Variants in ALMS1 observed in about 807,000 individuals in gnomAD.
ALMS1 encodes centrosome-associated protein ALMS1.
In ALMS1, 271 loss-of-function variants were observed where a neutral mutation model predicts 352.2. That is an observed-to-expected ratio of 0.77 (90% CI 0.70 to 0.85). The LOEUF (loss-of-function observed/expected upper bound fraction) is 0.85. Ranked by LOEUF, ALMS1 falls within the 40% of genes least tolerant of loss-of-function variation. The pLI is 0.00. For synonymous variants in ALMS1, 1,865 were observed against 1,761.2 expected (o/e 1.06, Z -1.48); for missense variants, 5,445 against 4,870.7 (o/e 1.12, Z -3.51).
rs138582599 is a variant in ALMS1, at chr2:73,441,735, T to G, written c.1433-6225T>G. 5.9e-3 allele frequency among the ~76,000 whole-genome samples: 895 copies of G among 152,218 alleles called. 11 individuals are homozygous for G. Among genetic ancestry groups the G allele is most frequent in the Middle Eastern group, 0.037 (11 of 294 alleles). ...AAGTCATTGCCATGTTGTTCTCCAG[T>G]CTGGAGGTCCTTAGCTAGTCTGCGT... On this transcript the variant is annotated intron_variant, in intron 7 of 22. Transcript: ENST00000613296.
chr2:73,570,575 T>C (rs1674906398), intron 15 of ALMS1, among the ~76,000 whole-genome samples: 1 of 152,084 alleles, frequency 6.6e-6, no homozygotes, highest in Admixed American at 6.5e-5. Flanking sequence ...AGTGGGCCAG[T>C]ACCTGGAGGA....
rs1484631015 is a variant in ALMS1, at chr2:73,419,194, G to T, written c.522G>T (p.Arg174Ser). The T allele has an allele frequency of 6.2e-7, 1 of 1,614,022 alleles. No homozygotes were observed. The highest frequency in any genetic ancestry group is 8.5e-7 in the Non-Finnish European group (1 of 1,179,928). The change falls in exon 3 of 23, where the codon AGG (arginine) becomes AGT (serine). Residue 174 changes from arginine (R) to serine (S), a missense_variant. By Grantham distance (110) the Arg-to-Ser change is moderately radical. Coordinates refer to ENST00000613296, the MANE Select transcript of ALMS1 (RefSeq NM_001378454.1). The part of the protein sequence containing the change: ...SSQTLDTSQT[R>S]FNVRTEDTEV... ...AAACCTTGGATACATCCCAGACTAG[G>T]TTTAATGTGAGAACGGAAGATACTG...
rs34604396 is a variant in ALMS1 at position 73,529,039 on chromosome 2, G to GTTTT, written c.9782-5766_9782-5763dup. ...AATTTCTTTGAGTTTCCTCAAAGCAGTTTTTTTTTTTTTTTTTTTTTTGAG... is the reference window on the plus strand; with the variant it reads ...AATTTCTTTGAGTTTCCTCAAAGCAGTTTTTTTTTTTTTTTTTTTTTTTTTTGAG... On this transcript the variant is annotated intron_variant, in intron 11 of 22. Transcript: ENST00000613296. Among the ~76,000 whole-genome samples, 59 of 99,506 alleles carry GTTTT rather than the reference G, an allele frequency of 5.9e-4. 3 individuals carry two copies. Among genetic ancestry groups the GTTTT allele is most frequent in the Non-Finnish European group, 8.5e-4 (42 of 49,606 alleles). 65.3% of individuals were successfully genotyped at this position (99,506 alleles called of 152,430 possible). A position where few individuals can be genotyped will look rare whatever the true frequency, so the allele number is the denominator to read the frequency against.
At chr2:73,396,965 G>A (rs1670777613) in intron 1 of ALMS1, among the ~76,000 whole-genome samples, 1 of 152,066 alleles carries the variant, frequency 6.6e-6, no homozygotes, top group Admixed American at 6.5e-5. Flanking sequence ...TGGTAAAATA[G>A]TTTGAGGGCA....
At chr2:73,609,119 G>A (rs891952854) in intron 22 of ALMS1, among the ~76,000 whole-genome samples, 5 of 152,186 alleles carry the variant, frequency 3.3e-5, no homozygotes, top group Non-Finnish European at 7.4e-5. Context: ...AACCAGACCG[G>A]CTCCTATGCC....
intron 5 of ALMS1, among the ~76,000 whole-genome samples, chr2:73,425,394 T>G (rs1671359734): frequency 6.6e-6 from 1 of 152,204 alleles, no homozygotes; most frequent in African/African-American, 2.4e-5. Flanking sequence ...TCCTGATAAT[T>G]CTGTAAAAGT....
chr2:73,424,988 C>G, intron 5 of ALMS1, 86 bp downstream of exon 5: 1 of 1,163,376 alleles, frequency 8.6e-7, no homozygotes, highest in East Asian at 2.5e-5. Context: ...TTAGTGTCCC[C>G]TTTTCCTATG....
In ALMS1 at chr2:73,453,392, A is replaced by G; in HGVS notation, c.6865A>G (p.Ile2289Val). 1 of 1,613,870 alleles carries G rather than the reference A, an allele frequency of 6.2e-7. No homozygotes were observed. Among genetic ancestry groups the G allele is most frequent in the Non-Finnish European group, 8.5e-7 (1 of 1,179,948 alleles). ...TGCTCCCCTTGCCCGTTTCAGAGATATTAGTGATATTTCATTTATACAATC... is the reference window on the plus strand; with the variant it reads ...TGCTCCCCTTGCCCGTTTCAGAGATGTTAGTGATATTTCATTTATACAATC... Reference protein sequence around the residue: ...FPAPLARFRDISDISFIQSKK... With the variant: ...FPAPLARFRDVSDISFIQSKK... Residue 2289 changes from isoleucine to valine, a missense_variant, in exon 8 of 23, where the codon ATT (isoleucine) becomes GTT (valine). Physicochemically the swap from Ile to Val is conservative, Grantham distance 29 (BLOSUM62 3). Transcript: ENST00000613296.
chr2:73,544,540 A>T (rs1674271098), intron 12 of ALMS1, among the ~76,000 whole-genome samples: 3 of 152,160 alleles, frequency 2.0e-5, no homozygotes, highest in Admixed American at 2.0e-4. Context: ...TAAAAAAGCA[A>T]AGAATGGAAA....
In ALMS1 at chr2:73,427,758, G is replaced by A. The variant is rs368563688; in HGVS notation, c.1338+1205G>A. Reference sequence around the variant, plus strand: ...TTGGCATTAATGTTCCTCTGGTCCCGTTGAATGAATATCCTCTTTTGTTGT... The same window carrying A: ...TTGGCATTAATGTTCCTCTGGTCCCATTGAATGAATATCCTCTTTTGTTGT... On this transcript the variant is annotated intron_variant, in intron 6 of 22. Coordinates refer to ENST00000613296, the MANE Select transcript of ALMS1 (RefSeq NM_001378454.1). Among the ~76,000 whole-genome samples the A allele has an allele frequency of 3.8e-4, 58 of 152,148 alleles. No homozygotes were observed. The East Asian group carries it at 7.3e-3, about 19-fold the overall frequency.
chr2:73,586,687 C>T lies in ALMS1; in HGVS notation c.11548-12714C>T, dbSNP rs566530350. On this transcript the variant is annotated intron_variant, in intron 16 of 22. Transcript: ENST00000613296. ...GTTTGAAGTCAGGTAATAAGGAGGC[C>T]TCCAGGTTTGTTCTTTTTGCTTAGT... 1.3e-5 allele frequency among the ~76,000 whole-genome samples: 2 copies of T among 152,070 alleles called. 1 individual carries two copies. The highest frequency in any genetic ancestry group is 3.9e-4 in the East Asian group (2 of 5,176).
chr2:73,442,001 CCTATG>C (rs1226834865), intron 7 of ALMS1, among the ~76,000 whole-genome samples: 1 of 152,100 alleles, frequency 6.6e-6, no homozygotes, highest in Admixed American at 6.5e-5. Flanking sequence ...GATGGGGACA[CCTATG>C]CCATGAAACT....
At chr2:73,606,785 A>T (rs1042146155) in intron 21 of ALMS1, among the ~76,000 whole-genome samples, 1 of 152,138 alleles carries the variant, frequency 6.6e-6, no homozygotes, top group Non-Finnish European at 1.5e-5. Context: ...TTGGCCTTCA[A>T]TTGTGTCCTA....
intron 12 of ALMS1, among the ~76,000 whole-genome samples, chr2:73,542,965 A>G (rs989805456): frequency 6.6e-6 from 1 of 152,192 alleles, no homozygotes; most frequent in Admixed American, 6.5e-5. Flanking sequence ...ATTCAGTGCC[A>G]TCCCCATCAA....
chr2:73,602,872 A>G (rs1352552006), intron 20 of ALMS1, among the ~76,000 whole-genome samples: 3 of 152,220 alleles, frequency 2.0e-5, no homozygotes, highest in Non-Finnish European at 4.4e-5. Context: ...GTAAAAGCTA[A>G]GATTTGAACC....
rs45445398 is a variant in ALMS1, at chr2:73,572,665, G to C, written c.10788G>C (p.Val3596=). ...CAGAGCAAACAACTCAGCACACTGT[G>C]AGTTTGAATGAACTGTGGAACAAGT... ...VTPEQTTQHT[V]SLNELWNKYR... Residue 3596 remains valine, a synonymous_variant, in exon 16 of 23, where the codon GTG becomes GTC. Transcript: ENST00000613296. 1.6e-3 allele frequency: 2,621 copies of C among 1,614,080 alleles called. 7 individuals carry two copies. The highest frequency in any genetic ancestry group is 1.9e-3 in the Non-Finnish European group (2,236 of 1,179,994).
chr2:73,585,115 T>C (rs1015768133), intron 16 of ALMS1, among the ~76,000 whole-genome samples: 1 of 152,192 alleles, frequency 6.6e-6, no homozygotes, highest in Non-Finnish European at 1.5e-5. Flanking sequence ...TTTCATATAA[T>C]GACATATTTT....
chr2:73,391,467 G>T (rs1670644294), intron 1 of ALMS1, among the ~76,000 whole-genome samples: 1 of 151,626 alleles, frequency 6.6e-6, no homozygotes, highest in African/African-American at 2.4e-5. Context: ...CTATTATTTT[G>T]TATTTTTAGT....
chr2:73,480,425 A>G lies in ALMS1; in HGVS notation c.7675-9209A>G, dbSNP rs540925637. 7.2e-5 allele frequency among the ~76,000 whole-genome samples: 11 copies of G among 152,286 alleles called. No individual in the cohort carries two copies. In the East Asian group the frequency reaches 2.1e-3, roughly 29 times the overall value. The stretch of plus-strand genomic sequence containing the variant: ...TGAACTCATCATTTTTTATGGCTGC[A>G]TAGTATTCCATGGTGTATATGTGCC... On this transcript the variant is annotated intron_variant, in intron 9 of 22. Coordinates refer to ENST00000613296, the MANE Select transcript of ALMS1 (RefSeq NM_001378454.1).
Sources: allele counts gnomAD v4.1 joint callset (sites outside exome capture counted in the v4.1 genomes callset), GRCh38; gene constraint gnomAD v4.1.1; transcripts MANE v1.5; gene names NCBI Gene and HGNC (gene_info 2026-07-23, HGNC 2026-07-21).